PPRC1: variants seen among roughly 807,000 people sequenced by gnomAD.
The protein encoded by PPRC1 is PPARG related coactivator 1.
PPRC1 carries 23 observed loss-of-function variants against 132.5 expected under a neutral mutation model. The ratio of observed to expected loss-of-function variants is 0.17; its 90% CI spans 0.12 to 0.25. The LOEUF is 0.25. PPRC1 is among the 10% of genes least tolerant of loss of function. PPRC1 has a pLI of 1.00. For synonymous variants in PPRC1, 872 were observed against 833.5 expected, an observed-to-expected ratio of 1.05 and a Z score of -0.80; for missense variants, 2,006 against 2,089.1, an observed-to-expected ratio of 0.96 and a Z score of 0.78.
At chr10:102,125,133 C>T in the PPRC1 span, among the ~76,000 whole-genome samples, 1 of 152,038 alleles carries the variant, frequency 6.6e-6, no homozygotes, top group African/African-American at 2.4e-5. Flanking sequence ...CGCTCTGTCA[C>T]CAGGCTGAAT....
At position 102,144,262 on chromosome 10, in the gene PPRC1, G is replaced by A; in HGVS notation, c.3563G>A (p.Cys1188Tyr). Reference sequence around the variant, plus strand: ...GGTTTCTTTGCAGCCAAAAAGGAGTGTCCTCCTCCGGCTCCTGCTGACAGC... The same window carrying A: ...GGTTTCTTTGCAGCCAAAAAGGAGTATCCTCCTCCGGCTCCTGCTGACAGC... ...QFEKSEAKKE[C>Y]PPPAPADSLA... is the part of the protein sequence containing the mutation. The change falls in exon 7 of 14, where the codon TGT becomes TAT. Residue 1188 changes from cysteine (C) to tyrosine (Y), a missense_variant. Coordinates refer to ENST00000278070, the MANE Select transcript of PPRC1 (RefSeq NM_015062.5). 6.2e-7 allele frequency: 1 copy of A among 1,614,148 alleles called. No individual in the cohort carries two copies. Among genetic ancestry groups the A allele is most frequent in the Non-Finnish European group, 8.5e-7 (1 of 1,180,020 alleles).
Position 102,139,489 on chromosome 10 carries a change from G to C in PPRC1, c.981G>C (p.Glu327Asp). Reference sequence around the variant, plus strand: ...ACCTCACCCACCTGGCATCACTTGAGGATGAGCTTCAGGAGCAGCCAGATG... The same window carrying C: ...ACCTCACCCACCTGGCATCACTTGACGATGAGCTTCAGGAGCAGCCAGATG... ...LPNLTHLASL[E>D]DELQEQPDDL... is the part of the protein sequence containing the mutation. The change falls in exon 5 of 14, where the codon GAG becomes GAC. Residue 327 changes from glutamate to aspartate, a missense_variant. Around this residue, in one of 2 missense-constraint regions of PPRC1, gnomAD observed 1,914 missense variants for 1,917.2 expected, o/e 1.00. Coordinates refer to ENST00000278070, the MANE Select transcript of PPRC1 (RefSeq NM_015062.5). 6.2e-7 allele frequency: 1 copy of C among 1,614,094 alleles called. No homozygotes were observed. Among genetic ancestry groups the C allele is most frequent in the Non-Finnish European group, 8.5e-7 (1 of 1,179,974 alleles).
chr10:102,145,126 T>C, intron 8 of PPRC1, 36 bp downstream of exon 8: 1 of 1,564,192 alleles, frequency 6.4e-7, no homozygotes, highest in Non-Finnish European at 8.8e-7. Context: ...CTGTGATTAG[T>C]CTATGCAGCA....
the PPRC1 span, among the ~76,000 whole-genome samples, chr10:102,125,368 C>T: frequency 2.0e-5 from 3 of 151,974 alleles, no homozygotes; most frequent in Non-Finnish European, 4.4e-5. Flanking sequence ...AAGCAATTCC[C>T]CTGCCTCAGC....
chr10:102,136,021 A>G (rs1205940539), intron 1 of PPRC1, among the ~76,000 whole-genome samples: 1 of 152,016 alleles, frequency 6.6e-6, no homozygotes, highest in African/African-American at 2.4e-5. Flanking sequence ...GTTCATAGAG[A>G]GCTGGGCATT....
chr10:102,134,577 T>C lies in PPRC1; in HGVS notation c.153+1356T>C, dbSNP rs150540265. Among the ~76,000 whole-genome samples the C allele has an allele frequency of 8.2e-4, 125 of 152,256 alleles. 1 individual carries two copies. The highest frequency in any genetic ancestry group is 6.8e-3 in the Middle Eastern group (2 of 294). On this transcript the variant is annotated intron_variant, in intron 1 of 13. Transcript: ENST00000278070. ...TTGGGCTGCAGGCTGCCTGGTAATATCAGGTCCGGCAGACCAATCCAGGCC... is the reference window on the plus strand; with the variant it reads ...TTGGGCTGCAGGCTGCCTGGTAATACCAGGTCCGGCAGACCAATCCAGGCC...
chr10:102,130,617 C>G (rs1029913444), upstream of PPRC1, among the ~76,000 whole-genome samples: 1 of 151,870 alleles, frequency 6.6e-6, no homozygotes, highest in Non-Finnish European at 1.5e-5. Context: ...TGCCTGTAAC[C>G]CCAGCTACTC....
intron 5 of PPRC1, among the ~76,000 whole-genome samples, chr10:102,142,414 T>C (rs2069032025): frequency 2.0e-5 from 2 of 99,580 alleles, no homozygotes; most frequent in Non-Finnish European, 4.0e-5. Flanking sequence ...TTTTTTTTTT[T>C]TTTTTTTTTT....
In PPRC1 at chr10:102,141,270, C is replaced by T. The variant is rs778527711; in HGVS notation, c.2762C>T (p.Pro921Leu). 2 of 1,614,150 alleles carry T rather than the reference C, an allele frequency of 1.2e-6. No individual in the cohort carries two copies. The highest frequency in any genetic ancestry group is 2.2e-5 in the South Asian group (2 of 91,084). ...CCGTTTACTCACTATGCCCCCTTGC[C>T]ATCCTGGCCTTGTTATCCTCATGTG... Reference protein sequence around the residue: ...PDPFTHYAPLPSWPCYPHVSP... With the variant: ...PDPFTHYAPLLSWPCYPHVSP... Residue 921 changes from proline (P) to leucine (L), a missense_variant, in exon 5 of 14, where the codon CCA (proline) becomes CTA (leucine). By Grantham distance (98) the Pro-to-Leu change is moderately conservative. This residue lies in a region of PPRC1 where 1,914 missense variants were observed against 1,917.2 expected (regional missense o/e 1.00). Transcript: ENST00000278070.
chr10:102,129,112 T>C (rs1255790173), upstream of PPRC1, among the ~76,000 whole-genome samples: 1 of 149,970 alleles, frequency 6.7e-6, no homozygotes, highest in Non-Finnish European at 1.5e-5. Flanking sequence ...TTGTGTTTTT[T>C]AGTAGAGACG....
At position 102,138,943 on chromosome 10, in the gene PPRC1, C is replaced by A. The variant is rs765359616; in HGVS notation, c.554C>A (p.Pro185Gln). The A allele has an allele frequency of 6.2e-7, 1 of 1,614,122 alleles. No homozygotes were observed. Among genetic ancestry groups the A allele is most frequent in the Non-Finnish European group, 8.5e-7 (1 of 1,179,952 alleles). ...CGTGACCTCATCACCCCAGTTGACC[C>A]ACTGGGGCCCAGTACAGGCAGCAGT... ...PERDLITPVDPLGPSTGSSRG... is the reference protein window; with the variant it reads ...PERDLITPVDQLGPSTGSSRG... The change falls in exon 4 of 14, where the codon CCA becomes CAA. Residue 185 changes from proline to glutamine, a missense_variant. Physicochemically the swap from Pro to Gln is moderately conservative, Grantham distance 76. Around this residue, in one of 2 missense-constraint regions of PPRC1, gnomAD observed 1,914 missense variants for 1,917.2 expected, o/e 1.00. Coordinates refer to ENST00000278070, the MANE Select transcript of PPRC1 (RefSeq NM_015062.5).
At chr10:102,146,637 C>T in intron 8 of PPRC1, 35 bp from the exon 9 acceptor site, 1 of 1,571,414 alleles carries the variant, frequency 6.4e-7, no homozygotes, top group Non-Finnish European at 8.6e-7. Context: ...AATCGGATCT[C>T]ATCCTGCTAT....
rs756920979 is a variant in PPRC1, at chr10:102,141,518, C to T, written c.3010C>T (p.Pro1004Ser). The change falls in exon 5 of 14, where the codon CCA becomes TCA. Residue 1004 changes from proline (P) to serine (S), a missense_variant. Around this residue, in one of 2 missense-constraint regions of PPRC1, gnomAD observed 1,914 missense variants for 1,917.2 expected, o/e 1.00. Coordinates refer to ENST00000278070, the MANE Select transcript of PPRC1 (RefSeq NM_015062.5). ...TACTGTTCCCCCACCTCCTTTGCCT[C>T]CAGCCTCCATTGGGAGAGCTGTTCC... ...WSTVPPPPLP[P>S]ASIGRAVPQP... is the part of the protein sequence containing the mutation. 6.8e-6 allele frequency: 11 copies of T among 1,614,032 alleles called. No homozygotes were observed. Among genetic ancestry groups the T allele is most frequent in the Non-Finnish European group, 9.3e-6 (11 of 1,180,028 alleles).
At chr10:102,120,366 T>C in the PPRC1 span, 25 of 983,616 alleles carry the variant, frequency 2.5e-5, no homozygotes, top group East Asian at 1.6e-3. Flanking sequence ...CCGCGGAGTG[T>C]GTGTCCGTGT....
Position 102,141,689 on chromosome 10 carries a change from C to G in PPRC1, c.3181C>G (p.Pro1061Ala), listed in dbSNP as rs1404566789. ...TACCAAGGTGGAGGTCAAGCCAGTG[C>G]CTGCATCTCCCCATCCGAAACACAA... ...EPTKVEVKPV[P>A]ASPHPKHKVS... is the part of the protein sequence containing the mutation. The change falls in exon 5 of 14, where the codon CCT (proline) becomes GCT (alanine). Residue 1061 changes from proline (P) to alanine (A), a missense_variant. Transcript: ENST00000278070. 8 of 1,613,908 alleles carry G rather than the reference C, an allele frequency of 5.0e-6. No individual in the cohort carries two copies. The highest frequency in any genetic ancestry group is 6.8e-6 in the Non-Finnish European group (8 of 1,179,942).
the PPRC1 span, among the ~76,000 whole-genome samples, chr10:102,126,682 C>G: frequency 1.3e-5 from 2 of 151,766 alleles, no homozygotes; most frequent in African/African-American, 4.8e-5. Context: ...TGGTCTTGAA[C>G]TCCTGACCTC....
chr10:102,146,131 G>GTT (rs2069236441), intron 8 of PPRC1, among the ~76,000 whole-genome samples: 1 of 152,172 alleles, frequency 6.6e-6, no homozygotes, highest in African/African-American at 2.4e-5. Flanking sequence ...AGTGGGCAGA[G>GTT]GTAAAGCGAG....
intron 7 of PPRC1, chr10:102,144,779 G>A: frequency 1.9e-6 from 1 of 537,256 alleles, no homozygotes; most frequent in Non-Finnish European, 3.3e-6. Context: ...TCGATGTGAA[G>A]GAGGTGGGGG....
chr10:102,140,750 C>T lies in PPRC1; in HGVS notation c.2242C>T (p.Pro748Ser), dbSNP rs760432095. Residue 748 changes from proline (P) to serine (S), a missense_variant, in exon 5 of 14, where the codon CCT (proline) becomes TCT (serine). Physicochemically the swap from Pro to Ser is moderately conservative, Grantham distance 74. Around this residue, in one of 2 missense-constraint regions of PPRC1, gnomAD observed 1,914 missense variants for 1,917.2 expected, o/e 1.00. Transcript: ENST00000278070. ...GTSATTHEARPRPLSLSEYRR... is the reference protein window; with the variant it reads ...GTSATTHEARSRPLSLSEYRR... ...CAGTGCTACAACCCATGAAGCCAGA[C>T]CTCGGCCTCTCAGCTTATCTGAGTA... 1.9e-6 allele frequency: 3 copies of T among 1,613,902 alleles called. No individual in the cohort carries two copies. The highest frequency in any genetic ancestry group is 4.5e-5 in the East Asian group (2 of 44,886).
Sources: gnomAD v4.1 joint callset for allele counts (sites outside exome capture counted in the v4.1 genomes callset) on GRCh38, gnomAD v4.1.1 for gene constraint, gnomAD v4.1.1 regional missense constraint, MANE v1.5 for transcripts, NCBI Gene and HGNC (gene_info 2026-07-23, HGNC 2026-07-21) for gene names.